Variants in MAP7 observed in about 807,000 individuals in gnomAD.
MAP7 encodes the protein ensconsin.
Under a neutral mutation model 94.8 loss-of-function variants are expected in MAP7, and 52 were observed. The observed-to-expected ratio is 0.55, with a 90% CI of 0.44 to 0.69. The LOEUF is 0.69. Ranked by LOEUF, MAP7 falls within the 30% of genes least tolerant of loss-of-function variation. The pLI is 0.00. For missense variants in MAP7, 940 were observed against 964.6 expected (o/e 0.97, Z 0.34); for synonymous variants, 350 against 357.0 (o/e 0.98, Z 0.22).
chr6:136,426,787 TGA>T (rs905548177), intron 1 of MAP7, among the ~76,000 whole-genome samples: 6 of 152,234 alleles, frequency 3.9e-5, no homozygotes, highest in Non-Finnish European at 5.9e-5. Flanking sequence ...CTTTGAATTC[TGA>T]GAGTGTGGAC....
chr6:136,401,053 C>T (rs996554796), intron 3 of MAP7, among the ~76,000 whole-genome samples: 2 of 152,112 alleles, frequency 1.3e-5, no homozygotes, highest in African/African-American at 4.8e-5. Context: ...ATTGTTGTAT[C>T]AGAATGATCT....
intron 11 of MAP7, among the ~76,000 whole-genome samples, chr6:136,361,621 G>T (rs1792809706): frequency 6.6e-6 from 1 of 152,242 alleles, no homozygotes. Flanking sequence ...CAAGGGAAAG[G>T]CATGGCCAAG....
chr6:136,410,592 T>C (rs1046861417), intron 3 of MAP7, among the ~76,000 whole-genome samples: 3 of 152,294 alleles, frequency 2.0e-5, no homozygotes, highest in Middle Eastern at 3.4e-3. Flanking sequence ...ATGAAATCTA[T>C]GCCTAAAAAA....
At chr6:136,407,213 C>T (rs1283240089) in intron 3 of MAP7, among the ~76,000 whole-genome samples, 1 of 152,108 alleles carries the variant, frequency 6.6e-6, no homozygotes, top group Non-Finnish European at 1.5e-5. Flanking sequence ...AGCACTGTGC[C>T]ATGTGTTGGG....
At chr6:136,519,244 G>T (rs1175402658) in intron 1 of MAP7, among the ~76,000 whole-genome samples, 1 of 152,088 alleles carries the variant, frequency 6.6e-6, no homozygotes, top group Non-Finnish European at 1.5e-5. Context: ...AAAAGTTTAT[G>T]CCAATGAATT....
At chr6:136,415,626 G>A (rs1789142152) in intron 2 of MAP7, among the ~76,000 whole-genome samples, 1 of 152,158 alleles carries the variant, frequency 6.6e-6, no homozygotes, top group African/African-American at 2.4e-5. Flanking sequence ...TCTGAAAATA[G>A]TTGAAGAAGT....
Position 136,344,144 on chromosome 6 carries a change from G to T in MAP7, c.*84C>A. 1.6e-6 allele frequency: 1 copy of T among 612,252 alleles called. No individual in the cohort carries two copies. The highest frequency in any genetic ancestry group is 2.5e-6 in the Non-Finnish European group (1 of 393,856). 37.9% of individuals were successfully genotyped at this position (612,252 alleles called of 1,614,324 possible). A position where few individuals can be genotyped will look rare whatever the true frequency, so the allele number is the denominator to read the frequency against. On this transcript the variant is annotated 3_prime_UTR_variant, in exon 18 of 18. Transcript: ENST00000354570. ...AGAACTCTAGAAAACGGGTGGAGGG[G>T]ATGCTCCTTTATAGCAGGAAAGGAA... is the stretch of plus-strand genomic sequence containing the variant.
chr6:136,368,910 C>A (rs1484558681), intron 8 of MAP7, among the ~76,000 whole-genome samples: 2 of 152,162 alleles, frequency 1.3e-5, no homozygotes, highest in Non-Finnish European at 2.9e-5. Context: ...AAAAATTCAA[C>A]CCAAAATTCA....
chr6:136,424,315 T>G (rs1411763911), intron 1 of MAP7, among the ~76,000 whole-genome samples: 1 of 127,424 alleles, frequency 7.8e-6, no homozygotes, highest in Non-Finnish European at 1.6e-5. Context: ...TTTGAATCTC[T>G]CTTCTTTCAT....
chr6:136,451,951 C>A (rs770054059), intron 1 of MAP7, among the ~76,000 whole-genome samples: 2 of 152,164 alleles, frequency 1.3e-5, no homozygotes, highest in Non-Finnish European at 2.9e-5. Context: ...AATCCCAGCA[C>A]TTTGGGAGGC....
chr6:136,496,911 G>T (rs767591939), intron 1 of MAP7, among the ~76,000 whole-genome samples: 1 of 151,064 alleles, frequency 6.6e-6, no homozygotes, highest in Non-Finnish European at 1.5e-5. Flanking sequence ...CGGAGATCGC[G>T]CCACTGCACT....
chr6:136,547,741 T>C (rs1478696092), intron 1 of MAP7, among the ~76,000 whole-genome samples: 1 of 152,190 alleles, frequency 6.6e-6, no homozygotes, highest in Admixed American at 6.6e-5. Flanking sequence ...GTTGGGTTTA[T>C]ATAATAGCTT....
chr6:136,465,571 T>C (rs1806742893), intron 1 of MAP7, among the ~76,000 whole-genome samples: 1 of 152,232 alleles, frequency 6.6e-6, no homozygotes, highest in Non-Finnish European at 1.5e-5. Context: ...ATTTTTACTC[T>C]TCTTTAATGT....
At chr6:136,548,179 A>C (rs1387872173) in intron 1 of MAP7, among the ~76,000 whole-genome samples, 1 of 147,192 alleles carries the variant, frequency 6.8e-6, no homozygotes, top group Non-Finnish European at 1.5e-5. Flanking sequence ...GATGTGTATA[A>C]TGTGAAATAT....
At chr6:136,398,906 C>T (rs1156954163) in intron 3 of MAP7, among the ~76,000 whole-genome samples, 1 of 152,166 alleles carries the variant, frequency 6.6e-6, no homozygotes, top group Non-Finnish European at 1.5e-5. Context: ...TCACATTCAG[C>T]AATCTAGAGT....
intron 1 of MAP7, among the ~76,000 whole-genome samples, chr6:136,451,687 C>A (rs1426960596): frequency 6.6e-6 from 1 of 152,188 alleles, no homozygotes; most frequent in East Asian, 1.9e-4. Context: ...GGAAAGAATT[C>A]TCCATTCTAG....
chr6:136,355,978 C>T (rs772044336), intron 16 of MAP7, among the ~76,000 whole-genome samples: 1 of 152,144 alleles, frequency 6.6e-6, no homozygotes, highest in Non-Finnish European at 1.5e-5. Flanking sequence ...TCTGGTTCTT[C>T]AATAAGAAGC....
In MAP7 at chr6:136,438,144, C is replaced by T. The variant is rs564378087; in HGVS notation, c.68-16345G>A. ...AAAATAGGAGAAGCACAGACAGCTC[C>T]AGCTTTCAAAGGAAAATAAGACAGA... On this transcript the variant is annotated intron_variant, in intron 1 of 17. Coordinates refer to ENST00000354570, the MANE Select transcript of MAP7 (RefSeq NM_003980.6). 4.6e-5 allele frequency among the ~76,000 whole-genome samples: 7 copies of T among 152,314 alleles called. No individual in the cohort carries two copies. In the South Asian group the frequency reaches 1.5e-3, roughly 32 times the overall value.
At chr6:136,549,659 C>G (rs1829984177) in intron 1 of MAP7, among the ~76,000 whole-genome samples, 1 of 152,204 alleles carries the variant, frequency 6.6e-6, no homozygotes, top group Non-Finnish European at 1.5e-5. Flanking sequence ...GGCTCCTGCA[C>G]AGACTAAAAA....
Sources: gnomAD v4.1 joint callset for allele counts (sites outside exome capture counted in the v4.1 genomes callset) on GRCh38, gnomAD v4.1.1 for gene constraint, MANE v1.5 for transcripts, NCBI Gene and HGNC (gene_info 2026-07-23, HGNC 2026-07-21) for gene names.